The following SMYD3 variants were observed in gnomAD, a reference collection of about 807,000 sequenced individuals.
SMYD3 encodes histone-lysine N-methyltransferase SMYD3.
SMYD3 carries 36 observed loss-of-function variants against 57.7 expected under a neutral mutation model. The observed-to-expected ratio is 0.62, with a 90% confidence interval of 0.48 to 0.82. SMYD3 has a LOEUF of 0.82. Among genes scored for constraint, SMYD3 ranks in the 40% least tolerant of loss-of-function variants. The probability of loss-of-function intolerance (pLI) is 0.00; values close to 1 mark genes in which losing one functional copy is unlikely to be tolerated. For synonymous variants in SMYD3, 211 were observed against 195.0 expected (o/e 1.08, Z -0.68); for missense variants, 515 against 538.8 (o/e 0.96, Z 0.44).
chr1:246,304,604 T>C (rs1421456091), intron 5 of SMYD3, among the ~76,000 whole-genome samples: 3 of 152,176 alleles, frequency 2.0e-5, no homozygotes, highest in Non-Finnish European at 4.4e-5. Context: ...GCCCAAAGCA[T>C]GAAAATCCAC....
At chr1:246,165,925 A>G (rs2062201811) in intron 5 of SMYD3, among the ~76,000 whole-genome samples, 1 of 152,094 alleles carries the variant, frequency 6.6e-6, no homozygotes, top group Non-Finnish European at 1.5e-5. Context: ...CTGAATCAAT[A>G]ATTTCAGTAA....
intron 5 of SMYD3, among the ~76,000 whole-genome samples, chr1:246,053,989 A>G (rs2060106014): frequency 6.6e-6 from 1 of 152,210 alleles, no homozygotes; most frequent in Non-Finnish European, 1.5e-5. Context: ...ACAAAAAGAC[A>G]AGTCACAAGT....
chr1:246,403,889 A>G (rs1314622232), intron 1 of SMYD3, among the ~76,000 whole-genome samples: 1 of 152,258 alleles, frequency 6.6e-6, no homozygotes, highest in Non-Finnish European at 1.5e-5. Flanking sequence ...TGACAAGCAT[A>G]GAAAACATAT....
In SMYD3 at chr1:246,216,306, T is replaced by TA. The variant is rs1322722306; in HGVS notation, c.531+110894dup. Among the ~76,000 whole-genome samples, 163 of 122,510 alleles carry TA rather than the reference T, an allele frequency of 1.3e-3. 1 individual carries two copies. The highest frequency in any genetic ancestry group is 4.8e-3 in the African/African-American group (154 of 32,320). The allele number at this position is 122,510 out of a possible 152,430, so 80.4% of individuals were successfully genotyped here. On this transcript the variant is annotated intron_variant, in intron 5 of 11. Transcript: ENST00000490107. ...CATTTCAAAAAAAAAAAAAAACTCA[T>TA]AAGCAGACTTCAGGAAAATGCCAAA...
At chr1:246,488,458 G>A (rs6675848) in intron 1 of SMYD3, among the ~76,000 whole-genome samples, 149,005 of 152,356 alleles carry the variant, frequency 0.98, 72,906 homozygotes, top group Non-Finnish European at 0.99. Context: ...AGGCCGAGGC[G>A]GGCAGATCAC....
At chr1:245,953,802 CTT>C (rs1282117928) in intron 5 of SMYD3, among the ~76,000 whole-genome samples, 3 of 152,222 alleles carry the variant, frequency 2.0e-5, no homozygotes, top group Non-Finnish European at 4.4e-5. Context: ...TGTGATTACT[CTT>C]GTGCCTGGTT....
chr1:245,756,970 A>T (rs933625122), intron 11 of SMYD3, among the ~76,000 whole-genome samples: 1 of 152,084 alleles, frequency 6.6e-6, no homozygotes, highest in African/African-American at 2.4e-5. Flanking sequence ...TTTTAAAAAC[A>T]ATATGGTAAA....
intron 5 of SMYD3, among the ~76,000 whole-genome samples, chr1:246,150,168 C>T (rs969780434): frequency 6.6e-6 from 1 of 152,222 alleles, no homozygotes; most frequent in Non-Finnish European, 1.5e-5. Context: ...ATAACAGAAT[C>T]TTCTTTCCCA....
chr1:246,060,625 T>C (rs1283886559), intron 5 of SMYD3, among the ~76,000 whole-genome samples: 1 of 152,204 alleles, frequency 6.6e-6, no homozygotes, highest in African/African-American at 2.4e-5. Flanking sequence ...GATCATATGA[T>C]AATTTCTCCT....
At chr1:245,788,538 C>T (rs770374969) in intron 10 of SMYD3, among the ~76,000 whole-genome samples, 9 of 152,190 alleles carry the variant, frequency 5.9e-5, no homozygotes, top group Non-Finnish European at 1.0e-4. Context: ...GCAGAGATCA[C>T]CTGCTTCAAC....
chr1:246,002,372 G>A (rs1572873044), intron 5 of SMYD3, among the ~76,000 whole-genome samples: 1 of 60,260 alleles, frequency 1.7e-5, no homozygotes, highest in African/African-American at 4.8e-5. Context: ...TTTTAGTAGA[G>A]ACGGGGTTTC....
chr1:245,997,112 T>C (rs1488857897), intron 5 of SMYD3, among the ~76,000 whole-genome samples: 1 of 145,262 alleles, frequency 6.9e-6, no homozygotes, highest in Non-Finnish European at 1.5e-5. Flanking sequence ...GCATGGATTT[T>C]AATTAACGAA....
chr1:245,782,731 G>C (rs1021538156), intron 10 of SMYD3, among the ~76,000 whole-genome samples: 3 of 152,172 alleles, frequency 2.0e-5, no homozygotes, highest in Admixed American at 1.3e-4. Context: ...TACCTATTAA[G>C]ATATAAAAAG....
chr1:245,989,980 G>A (rs977114809), intron 5 of SMYD3, among the ~76,000 whole-genome samples: 4 of 152,180 alleles, frequency 2.6e-5, no homozygotes, highest in African/African-American at 9.7e-5. Context: ...ACCAACAACT[G>A]TAAATTTAAT....
At chr1:245,867,231 G>C (rs540934336) in intron 8 of SMYD3, among the ~76,000 whole-genome samples, 1 of 152,338 alleles carries the variant, frequency 6.6e-6, no homozygotes, top group South Asian at 2.1e-4. Context: ...TTAACCAGAA[G>C]CTGGCAAAGG....
At chr1:245,826,621 T>C (rs1212406370) in intron 10 of SMYD3, among the ~76,000 whole-genome samples, 2 of 152,212 alleles carry the variant, frequency 1.3e-5, no homozygotes, top group African/African-American at 2.4e-5. Context: ...TCTCTCCTTA[T>C]ATTAGTTCGT....
chr1:246,199,148 T>C (rs2062870970), intron 5 of SMYD3, among the ~76,000 whole-genome samples: 1 of 152,000 alleles, frequency 6.6e-6, no homozygotes, highest in South Asian at 2.1e-4. Flanking sequence ...GTAGTCCCAG[T>C]ACCTACTGTT....
intron 5 of SMYD3, among the ~76,000 whole-genome samples, chr1:246,170,321 A>G (rs1212042229): frequency 6.6e-6 from 1 of 151,862 alleles, no homozygotes; most frequent in South Asian, 2.1e-4. Flanking sequence ...CAGCATGGTT[A>G]GTTTCCATAT....
At position 245,904,173 on chromosome 1, in the gene SMYD3, T is replaced by C. The variant is rs114796392; in HGVS notation, c.813+11357A>G. Among the ~76,000 whole-genome samples the C allele has an allele frequency of 3.7e-3, 565 of 152,148 alleles. 2 individuals are homozygous for C. Among genetic ancestry groups the C allele is most frequent in the African/African-American group, 0.012 (503 of 41,510 alleles). ...AAGGGAAGAACCTGGTGGGAGGTGA[T>C]TGGATCATGGGGGCTGTTTTCCTGA... is the stretch of plus-strand genomic sequence containing the variant. On this transcript the variant is annotated intron_variant, in intron 8 of 11. Coordinates refer to ENST00000490107, the MANE Select transcript of SMYD3 (RefSeq NM_001167740.2).
Sources: gnomAD v4.1 joint callset for allele counts (sites outside exome capture counted in the v4.1 genomes callset) on GRCh38, gnomAD v4.1.1 for gene constraint, MANE v1.5 for transcripts, NCBI Gene and HGNC (gene_info 2026-07-23, HGNC 2026-07-21) for gene names.